The following GK5 variants were observed in gnomAD, a reference collection of about 807,000 sequenced individuals.
GK5 encodes the protein glycerol kinase 5.
Under a neutral mutation model 77.3 loss-of-function variants are expected in GK5, and 39 were observed. That is an observed-to-expected ratio of 0.50 (90% CI 0.39 to 0.66). The LOEUF is 0.66. Among genes scored for constraint, GK5 ranks in the 30% least tolerant of loss-of-function variants. The pLI is 0.00. For missense variants in GK5, 487 were observed against 633.8 expected (o/e 0.77, Z 2.49); for synonymous variants, 211 against 208.0 (o/e 1.01, Z -0.13).
rs1163863520 is a variant in GK5, at chr3:142,158,517, C to T, written c.*7105G>A. Reference sequence around the variant, plus strand: ...TATGCAGATGAAAAATATTCTATTACTGTGGATCCTTGATTTTTTGTATAG... The same window carrying T: ...TATGCAGATGAAAAATATTCTATTATTGTGGATCCTTGATTTTTTGTATAG... On this transcript the variant is annotated 3_prime_UTR_variant, in exon 16 of 16. Coordinates refer to ENST00000392993, the MANE Select transcript of GK5 (RefSeq NM_001039547.3). 6.6e-6 allele frequency: 1 copy of T among 152,546 alleles called. No homozygotes were observed. The highest frequency in any genetic ancestry group is 1.5e-5 in the Non-Finnish European group (1 of 68,018). The allele number at this position is 152,546 out of a possible 1,614,324, so 9.4% of individuals were successfully genotyped here.
chr3:142,199,661 C>G (rs1035960369), intron 4 of GK5, among the ~76,000 whole-genome samples: 1 of 151,726 alleles, frequency 6.6e-6, no homozygotes, highest in Non-Finnish European at 1.5e-5. Flanking sequence ...ACTACCTATA[C>G]TTATCTAATG....
At chr3:142,224,563 G>A (rs757332747) in intron 1 of GK5, among the ~76,000 whole-genome samples, 1 of 152,158 alleles carries the variant, frequency 6.6e-6, no homozygotes, top group Non-Finnish European at 1.5e-5. Context: ...ACAATTCAAG[G>A]CTTTACTAAC....
intron 15 of GK5, 131 bp downstream of exon 15, chr3:142,170,194 A>G (rs774343757): frequency 2.2e-6 from 2 of 904,642 alleles, no homozygotes; most frequent in Admixed American, 1.7e-5. Context: ...AGTAATATGC[A>G]TATGTGTATG....
chr3:142,200,938 A>G (rs1017766959), intron 4 of GK5, among the ~76,000 whole-genome samples: 6 of 152,206 alleles, frequency 3.9e-5, no homozygotes, highest in Non-Finnish European at 8.8e-5. Flanking sequence ...AAATAAGATG[A>G]TTTAAGAAGA....
chr3:142,214,377 T>C lies in GK5; in HGVS notation c.242-776A>G, dbSNP rs144046432. On this transcript the variant is annotated intron_variant, in intron 2 of 15. Coordinates refer to ENST00000392993, the MANE Select transcript of GK5 (RefSeq NM_001039547.3). Reference sequence around the variant, plus strand: ...TGATGCCAGGATGCAAACAAAAATATTGACTTTTTGGTCCAAATTTCTTAA... The same window carrying C: ...TGATGCCAGGATGCAAACAAAAATACTGACTTTTTGGTCCAAATTTCTTAA... Among the ~76,000 whole-genome samples, 964 of 152,340 alleles carry C rather than the reference T, an allele frequency of 6.3e-3. 14 individuals carry two copies. Among genetic ancestry groups the C allele is most frequent in the African/African-American group, 0.022 (909 of 41,572 alleles).
intron 5 of GK5, among the ~76,000 whole-genome samples, chr3:142,196,110 G>A (rs911175093): frequency 6.6e-6 from 1 of 152,016 alleles, no homozygotes; most frequent in East Asian, 1.9e-4. Context: ...TAATTTGTTG[G>A]CATGCACTTG....
intron 11 of GK5, among the ~76,000 whole-genome samples, chr3:142,179,101 A>C (rs1021166888): frequency 1.3e-5 from 2 of 152,254 alleles, no homozygotes; most frequent in Admixed American, 1.3e-4. Flanking sequence ...AGCAAAGATC[A>C]GAAGAAAAGA....
chr3:142,211,721 G>A, intron 3 of GK5, among the ~76,000 whole-genome samples: 1 of 152,292 alleles, frequency 6.6e-6, no homozygotes, highest in South Asian at 2.1e-4. Context: ...TTGAGCCCAC[G>A]AGTTCGAGGC....
chr3:142,166,438 T>C (rs2063473269), intron 15 of GK5, among the ~76,000 whole-genome samples: 1 of 152,238 alleles, frequency 6.6e-6, no homozygotes, highest in African/African-American at 2.4e-5. Context: ...TATAGCCTTT[T>C]ATATAATTTA....
At chr3:142,219,748 G>A (rs1226141417) in intron 1 of GK5, among the ~76,000 whole-genome samples, 4 of 152,220 alleles carry the variant, frequency 2.6e-5, no homozygotes, top group Non-Finnish European at 5.9e-5. Context: ...GGCCGAGGTA[G>A]GAGAATTGCT....
Position 142,158,419 on chromosome 3 carries a change from T to C in GK5, c.*7203A>G, listed in dbSNP as rs116417634. On this transcript the variant is annotated 3_prime_UTR_variant, in exon 16 of 16. Transcript: ENST00000392993. ...AATGTGCAGAAACCAAAACAGGTAA[T>C]AGTATTTAATAAGAATGTCCTGGTA... 546 of 152,562 alleles carry C rather than the reference T, an allele frequency of 3.6e-3. 2 individuals carry two copies. The highest frequency in any genetic ancestry group is 0.012 in the African/African-American group (496 of 41,558). The allele number at this position is 152,562 out of a possible 1,614,324, so 9.5% of individuals were successfully genotyped here.
In GK5 at chr3:142,161,035, TAAAC is replaced by T. The variant is rs1297777557; in HGVS notation, c.*4583_*4586del. 6.6e-6 allele frequency: 1 copy of T among 152,072 alleles called. No homozygotes were observed. The highest frequency in any genetic ancestry group is 1.5e-5 in the Non-Finnish European group (1 of 68,034). 9.4% of individuals were successfully genotyped at this position (152,072 alleles called of 1,614,324 possible). On this transcript the variant is annotated 3_prime_UTR_variant, in exon 16 of 16. Coordinates refer to ENST00000392993, the MANE Select transcript of GK5 (RefSeq NM_001039547.3). The stretch of plus-strand genomic sequence containing the variant: ...ACTGTACTTGGCCAAAAATTTTAAA[TAAAC>T]AACATGAGGATTCTAGCTCTCACTA...
intron 1 of GK5, among the ~76,000 whole-genome samples, chr3:142,222,392 CAT>C (rs2064363156): frequency 6.6e-6 from 1 of 152,064 alleles, no homozygotes; most frequent in Non-Finnish European, 1.5e-5. Flanking sequence ...GGTGAAACCC[CAT>C]GTCTATGAAA....
intron 10 of GK5, among the ~76,000 whole-genome samples, chr3:142,182,653 G>C (rs1266361042): frequency 5.3e-5 from 8 of 151,988 alleles, no homozygotes. Context: ...CCGGCCCCTA[G>C]TAAGGAGTTT....
At chr3:142,177,049 G>T (rs1307693524) in intron 12 of GK5, among the ~76,000 whole-genome samples, 1 of 152,172 alleles carries the variant, frequency 6.6e-6, no homozygotes, top group Non-Finnish European at 1.5e-5. Context: ...GCATATGTGT[G>T]TGATGTATGT....
Position 142,171,445 on chromosome 3 carries a change from C to G in GK5, c.1281G>C (p.Glu427Asp). 2 of 1,472,408 alleles carry G rather than the reference C, an allele frequency of 1.4e-6. No individual in the cohort carries two copies. The highest frequency in any genetic ancestry group is 1.8e-6 in the Non-Finnish European group (2 of 1,091,540). The allele number at this position is 1,472,408 out of a possible 1,614,324, so 91.2% of individuals were successfully genotyped here. Residue 427 changes from glutamate to aspartate, a missense_variant, in exon 14 of 16, where the codon GAG (glutamate) becomes GAC (aspartate). By Grantham distance (45) the Glu-to-Asp change is conservative (BLOSUM62 2). Around this residue, in one of 4 missense-constraint regions of GK5, gnomAD observed 323 missense variants for 437.4 expected, o/e 0.74. Coordinates refer to ENST00000392993, the MANE Select transcript of GK5 (RefSeq NM_001039547.3). ...GGATTTTTCTTACAGGAATATGAAT[C>G]TCTTTCTTCATCATCTCATATAACT... ...NKQLYEMMKK[E>D]IHIPVRKIRA...
At position 142,157,907 on chromosome 3, in the gene GK5, A is replaced by C. The variant is rs2063394684; in HGVS notation, c.*7715T>G. On this transcript the variant is annotated 3_prime_UTR_variant, in exon 16 of 16. Coordinates refer to ENST00000392993, the MANE Select transcript of GK5 (RefSeq NM_001039547.3). ...TTTACCTAGAGTCACAATTGTAGTT[A>C]ACAAGTGCTATTTCTCTGGTTGTTT... 1 of 152,028 alleles carries C rather than the reference A, an allele frequency of 6.6e-6. No individual in the cohort carries two copies. Among genetic ancestry groups the C allele is most frequent in the Non-Finnish European group, 1.5e-5 (1 of 68,004 alleles). The allele number at this position is 152,028 out of a possible 1,614,324, so 9.4% of individuals were successfully genotyped here. A position where few individuals can be genotyped will look rare whatever the true frequency, so the allele number is the denominator to read the frequency against.
At chr3:142,174,141 T>C (rs1056429447) in intron 12 of GK5, among the ~76,000 whole-genome samples, 2 of 152,190 alleles carry the variant, frequency 1.3e-5, no homozygotes, top group African/African-American at 2.4e-5. Flanking sequence ...GGTGGAACCT[T>C]GTCCGATGTA....
At chr3:142,200,048 T>C (rs1035994223) in intron 4 of GK5, among the ~76,000 whole-genome samples, 2 of 151,966 alleles carry the variant, frequency 1.3e-5, no homozygotes, top group Non-Finnish European at 2.9e-5. Flanking sequence ...CCTTTTAACT[T>C]CCTTCTCATC....
Sources: allele counts gnomAD v4.1 joint callset (sites outside exome capture counted in the v4.1 genomes callset), GRCh38; gene constraint gnomAD v4.1.1; regional missense constraint gnomAD v4.1.1; transcripts MANE v1.5; gene names NCBI Gene and HGNC (gene_info 2026-07-23, HGNC 2026-07-21).